HRH1: variants seen among roughly 807,000 people sequenced by gnomAD.
HRH1 encodes the protein histamine H1 receptor.
A neutral mutation model predicts 10.3 loss-of-function variants in HRH1; 6 were observed. The ratio of observed to expected loss-of-function variants is 0.58; its 90% CI spans 0.32 to 1.15. The LOEUF is 1.15. Ranked by LOEUF, HRH1 falls within the 50% of genes most tolerant of loss-of-function variation. HRH1 has a pLI of 0.05. For missense variants in HRH1, 514 were observed against 615.3 expected (o/e 0.84, Z 1.74); for synonymous variants, 242 against 236.7 (o/e 1.02, Z -0.21).
At chr3:11,197,782 A>G (rs374143099) in intron 1 of HRH1, among the ~76,000 whole-genome samples, 1 of 152,140 alleles carries the variant, frequency 6.6e-6, no homozygotes, top group Non-Finnish European at 1.5e-5. Flanking sequence ...AAGGAAAAAA[A>G]CAGCTCATTG....
intron 1 of HRH1, among the ~76,000 whole-genome samples, chr3:11,217,283 C>A (rs1351731486): frequency 6.6e-6 from 1 of 151,656 alleles, no homozygotes; most frequent in Non-Finnish European, 1.5e-5. Context: ...TAATCCCAGC[C>A]CTTTGGAGGG....
chr3:11,137,460 G>C (rs1225060745), intron 1 of HRH1: 2 of 152,832 alleles, frequency 1.3e-5, no homozygotes, highest in Non-Finnish European at 1.5e-5. Context: ...GAGGGGTGAC[G>C]GGCTCTGGGG....
In HRH1 at chr3:11,259,591, A is replaced by C. The variant is rs919505801; in HGVS notation, c.554A>C (p.Tyr185Ser). 1 of 1,614,058 alleles carries C rather than the reference A, an allele frequency of 6.2e-7. No homozygotes were observed. The highest frequency in any genetic ancestry group is 8.5e-7 in the Non-Finnish European group (1 of 1,180,002). The stretch of plus-strand genomic sequence containing the variant: ...GAGGACAAGTGTGAGACAGACTTCT[A>C]TGATGTCACCTGGTTCAAGGTCATG... Reference protein sequence around the residue: ...RREDKCETDFYDVTWFKVMTA... With the variant: ...RREDKCETDFSDVTWFKVMTA... The change falls in exon 2 of 2, where the codon TAT becomes TCT. Residue 185 changes from tyrosine (Y) to serine (S), a missense_variant. Physicochemically the swap from Tyr to Ser is moderately radical, Grantham distance 144 (BLOSUM62 -2). Transcript: ENST00000431010. The surrounding 1 kb of genome is among the most constrained non-coding windows in gnomAD (Gnocchi z 4.6).
intron 1 of HRH1, among the ~76,000 whole-genome samples, chr3:11,255,591 C>T (rs1939763116): frequency 6.6e-6 from 1 of 152,182 alleles, no homozygotes; most frequent in South Asian, 2.1e-4. Context: ...ACGATGTGCC[C>T]AAAGTGGTCA....
At chr3:11,224,781 T>A (rs1346431934) in intron 1 of HRH1, among the ~76,000 whole-genome samples, 1 of 151,544 alleles carries the variant, frequency 6.6e-6, no homozygotes, top group African/African-American at 2.4e-5. Context: ...AACTGTGAGG[T>A]TGGACCAGGG....
At chr3:11,211,731 G>C (rs1184727964) in intron 1 of HRH1, among the ~76,000 whole-genome samples, 5 of 152,196 alleles carry the variant, frequency 3.3e-5, no homozygotes, top group Non-Finnish European at 7.3e-5. Context: ...ACTCTGATTT[G>C]GCCAGGAGCA....
chr3:11,211,540 C>T (rs574111042), intron 1 of HRH1, among the ~76,000 whole-genome samples: 1 of 152,324 alleles, frequency 6.6e-6, no homozygotes, highest in South Asian at 2.1e-4. Context: ...AGGTCTGACC[C>T]CCTCTCCAGC....
upstream of HRH1, among the ~76,000 whole-genome samples, chr3:11,152,610 C>A (rs1305296646): frequency 7.1e-6 from 1 of 140,962 alleles, no homozygotes; most frequent in African/African-American, 2.6e-5. Context: ...TTCCCCCACC[C>A]GCCCTGCCCC....
At chr3:11,197,314 C>A (rs1937700643) in intron 1 of HRH1, among the ~76,000 whole-genome samples, 1 of 152,106 alleles carries the variant, frequency 6.6e-6, no homozygotes, top group Admixed American at 6.5e-5. Flanking sequence ...TTGTGTTTGA[C>A]TTCTCTCCTG....
upstream of HRH1, among the ~76,000 whole-genome samples, chr3:11,154,365 G>A (rs951221296): frequency 2.6e-5 from 4 of 151,448 alleles, no homozygotes; most frequent in African/African-American, 9.7e-5. The surrounding 1 kb of genome is among the most constrained non-coding windows in gnomAD (Gnocchi z 4.4). Context: ...GGGTGCGGGG[G>A]CGCTGCAGGC....
intron 1 of HRH1, chr3:11,234,112 C>T (rs924772712): frequency 3.3e-6 from 2 of 602,250 alleles, no homozygotes; most frequent in South Asian, 2.3e-5. Context: ...GTCAAGACCC[C>T]TGATCATCAA....
rs1939939223 is a variant in HRH1 at position 11,260,952 on chromosome 3, T to C, written c.*451T>C. 1 of 177,974 alleles carries C rather than the reference T, an allele frequency of 5.6e-6. No homozygotes were observed. Among genetic ancestry groups the C allele is most frequent in the South Asian group, 1.6e-4 (1 of 6,122 alleles). 11.0% of individuals were successfully genotyped at this position (177,974 alleles called of 1,614,324 possible). A position where few individuals can be genotyped will look rare whatever the true frequency, so the allele number is the denominator to read the frequency against. ...AAAGGACTCTTGAGCCCTCCTGGAA[T>C]GGAGCTGTATAACTGTGCAGAGACT... On this transcript the variant is annotated 3_prime_UTR_variant, in exon 2 of 2. Coordinates refer to ENST00000431010, the MANE Select transcript of HRH1 (RefSeq NM_001098212.2).
intron 1 of HRH1, among the ~76,000 whole-genome samples, chr3:11,256,046 G>A (rs1939772390): frequency 6.6e-6 from 1 of 152,180 alleles, no homozygotes; most frequent in Admixed American, 6.5e-5. Flanking sequence ...AATACAGGCT[G>A]GAGCTGTGGG....
intron 1 of HRH1, among the ~76,000 whole-genome samples, chr3:11,247,712 C>A (rs1377154034): frequency 6.6e-6 from 1 of 152,124 alleles, no homozygotes; most frequent in Non-Finnish European, 1.5e-5. Context: ...CTGACAATTT[C>A]CCCCTCTTGA....
chr3:11,209,841 G>A (rs535430870), intron 1 of HRH1, among the ~76,000 whole-genome samples: 4 of 152,308 alleles, frequency 2.6e-5, no homozygotes, highest in Non-Finnish European at 5.9e-5. Flanking sequence ...GATGAGGCTC[G>A]GATGTGGAGG....
At chr3:11,190,417 C>G (rs1385136220) in intron 1 of HRH1, among the ~76,000 whole-genome samples, 1 of 151,766 alleles carries the variant, frequency 6.6e-6, no homozygotes, top group Admixed American at 6.6e-5. Flanking sequence ...GAGTATCACT[C>G]TGTCACCCAG....
At chr3:11,225,123 A>G (rs1003747320) in intron 1 of HRH1, among the ~76,000 whole-genome samples, 1 of 152,214 alleles carries the variant, frequency 6.6e-6, no homozygotes, top group African/African-American at 2.4e-5. Flanking sequence ...CTTCAAAGCC[A>G]AACTGAGGAC....
chr3:11,258,926 T>C (rs1939855901), intron 1 of HRH1, 77 bp from the exon 2 acceptor site: 2 of 1,021,394 alleles, frequency 2.0e-6, no homozygotes, highest in South Asian at 1.7e-5. Context: ...ACAACTCCAG[T>C]CTGATGAACA....
chr3:11,195,619 T>C (rs868616368), intron 1 of HRH1, among the ~76,000 whole-genome samples: 54 of 152,356 alleles, frequency 3.5e-4, no homozygotes, highest in African/African-American at 1.3e-3. Flanking sequence ...CTCTTCCTGG[T>C]GTCCTGCTTC....
Sources: allele counts gnomAD v4.1 joint callset (sites outside exome capture counted in the v4.1 genomes callset), GRCh38; gene constraint gnomAD v4.1.1; non-coding constraint Gnocchi (gnomAD v3.1); transcripts MANE v1.5; gene names NCBI Gene and HGNC (gene_info 2026-07-23, HGNC 2026-07-21).